The following FHOD3 variants were observed in gnomAD, a reference collection of about 807,000 sequenced individuals.
The protein encoded by FHOD3 is FH1/FH2 domain-containing protein 3.
Under a neutral mutation model 173.0 loss-of-function variants are expected in FHOD3, and 90 were observed. That is an observed-to-expected ratio of 0.52 (90% CI 0.44 to 0.62). The LOEUF is 0.62. Ranked by LOEUF, FHOD3 falls within the 20% of genes least tolerant of loss-of-function variation. The pLI is 0.00. For synonymous variants in FHOD3, 828 were observed against 823.0 expected (o/e 1.01, Z -0.10); for missense variants, 1,945 against 2,034.7 (o/e 0.96, Z 0.85).
chr18:36,695,763 T>C (rs1166774826), intron 17 of FHOD3, among the ~76,000 whole-genome samples: 1 of 152,224 alleles, frequency 6.6e-6, no homozygotes, highest in African/African-American at 2.4e-5. Context: ...ATGACAGAAA[T>C]GCAAAGTTGG....
intron 7 of FHOD3, among the ~76,000 whole-genome samples, chr18:36,595,882 T>G (rs1215781355): frequency 6.6e-6 from 1 of 152,226 alleles, no homozygotes; most frequent in East Asian, 1.9e-4. Flanking sequence ...GAACAAAAAC[T>G]TGACAATACT....
At chr18:36,597,379 A>T (rs900818358) in intron 7 of FHOD3, among the ~76,000 whole-genome samples, 9 of 152,062 alleles carry the variant, frequency 5.9e-5, no homozygotes, top group African/African-American at 1.9e-4. Flanking sequence ...ATAATAATAA[A>T]AACAGCTAAT....
intron 10 of FHOD3, among the ~76,000 whole-genome samples, chr18:36,648,052 G>GT (rs760352138): frequency 4.6e-5 from 7 of 152,226 alleles, no homozygotes; most frequent in Non-Finnish European, 1.0e-4. Flanking sequence ...AAAGATCCTG[G>GT]TAGATGATGC....
intron 9 of FHOD3, 139 bp from the exon 10 acceptor site, chr18:36,625,372 G>A: frequency 1.5e-6 from 1 of 685,160 alleles, no homozygotes; most frequent in Non-Finnish European, 2.2e-6. Flanking sequence ...GTGAAGACCT[G>A]GCAGGGAAGC....
intron 3 of FHOD3, among the ~76,000 whole-genome samples, chr18:36,399,950 A>G (rs531033082): frequency 6.6e-6 from 1 of 152,282 alleles, no homozygotes; most frequent in South Asian, 2.1e-4. Flanking sequence ...GCTCCTTCTG[A>G]ATCATAGAGT....
At chr18:36,664,862 C>T (rs1484452447) in intron 14 of FHOD3, among the ~76,000 whole-genome samples, 1 of 150,042 alleles carries the variant, frequency 6.7e-6, no homozygotes, top group Non-Finnish European at 1.5e-5. Flanking sequence ...CTGGGCTGGG[C>T]GCAGTAGCTC....
intron 20 of FHOD3, 36 bp downstream of exon 20, chr18:36,730,840 A>G (rs374059148): frequency 2.5e-6 from 4 of 1,599,546 alleles, no homozygotes; most frequent in Non-Finnish European, 3.4e-6. Context: ...TTTGTATTTT[A>G]TCTTATACTG....
At chr18:36,734,351 T>C (rs2149970823) in intron 20 of FHOD3, among the ~76,000 whole-genome samples, 1 of 152,298 alleles carries the variant, frequency 6.6e-6, no homozygotes, top group African/African-American at 2.4e-5. Context: ...ATCCCTGGCC[T>C]CTACCCATTA....
intron 19 of FHOD3, among the ~76,000 whole-genome samples, chr18:36,729,287 G>C (rs1485450597): frequency 6.6e-6 from 1 of 152,214 alleles, no homozygotes; most frequent in Admixed American, 6.5e-5. Flanking sequence ...CTGAGCAAGA[G>C]CAGGGAGCTT....
intron 2 of FHOD3, among the ~76,000 whole-genome samples, chr18:36,356,605 A>G (rs1372601350): frequency 6.6e-6 from 1 of 151,320 alleles, no homozygotes; most frequent in Non-Finnish European, 1.5e-5. Context: ...GACTACAGAC[A>G]TGTGCCACTG....
intron 18 of FHOD3, among the ~76,000 whole-genome samples, chr18:36,715,272 C>T (rs1341206870): frequency 6.6e-6 from 1 of 152,204 alleles, no homozygotes; most frequent in Non-Finnish European, 1.5e-5. Flanking sequence ...TTAGTTCTCA[C>T]AAGATCTGAT....
chr18:36,476,531 C>T (rs182258012), intron 3 of FHOD3, among the ~76,000 whole-genome samples: 1 of 152,290 alleles, frequency 6.6e-6, no homozygotes, highest in East Asian at 1.9e-4. Context: ...TGCAAGTTCT[C>T]TGTCTTTTGG....
intron 1 of FHOD3, among the ~76,000 whole-genome samples, chr18:36,302,736 A>G (rs2091987058): frequency 6.6e-6 from 1 of 152,260 alleles, no homozygotes; most frequent in African/African-American, 2.4e-5. Flanking sequence ...GCTACATTAC[A>G]TTAAGATTTT....
At chr18:36,363,402 G>A (rs2046729819) in intron 2 of FHOD3, among the ~76,000 whole-genome samples, 1 of 152,192 alleles carries the variant, frequency 6.6e-6, no homozygotes, top group Admixed American at 6.5e-5. Context: ...ATGTCCTTCT[G>A]TAGTTGAATG....
At chr18:36,517,994 A>G (rs2146489979) in intron 5 of FHOD3, among the ~76,000 whole-genome samples, 1 of 152,350 alleles carries the variant, frequency 6.6e-6, no homozygotes, top group Non-Finnish European at 1.5e-5. Context: ...TATCATAGAT[A>G]TCATGGAAAG....
chr18:36,305,412 A>G (rs531797344), intron 1 of FHOD3, among the ~76,000 whole-genome samples: 1 of 152,360 alleles, frequency 6.6e-6, no homozygotes, highest in Admixed American at 6.5e-5. Flanking sequence ...GTATTCCTAG[A>G]CTTGGCAAAA....
At chr18:36,434,529 G>A (rs1162536323) in intron 3 of FHOD3, among the ~76,000 whole-genome samples, 2 of 152,088 alleles carry the variant, frequency 1.3e-5, no homozygotes, top group African/African-American at 4.8e-5. Context: ...TATTTTGATT[G>A]TTCTATGCCC....
At chr18:36,540,306 A>G (rs538426027) in intron 5 of FHOD3, among the ~76,000 whole-genome samples, 2 of 152,332 alleles carry the variant, frequency 1.3e-5, no homozygotes, top group African/African-American at 4.8e-5. Flanking sequence ...TCTTTTTGGA[A>G]TGACTCTCAG....
At chr18:36,504,936 G>T (rs1438723452) in intron 4 of FHOD3, among the ~76,000 whole-genome samples, 2 of 152,230 alleles carry the variant, frequency 1.3e-5, no homozygotes, top group South Asian at 2.1e-4. Context: ...CAAAGTGCAG[G>T]CTCACAACAC....
Sources: gnomAD v4.1 joint callset for allele counts (sites outside exome capture counted in the v4.1 genomes callset) on GRCh38, gnomAD v4.1.1 for gene constraint, MANE v1.5 for transcripts, NCBI Gene and HGNC (gene_info 2026-07-23, HGNC 2026-07-21) for gene names.